Variants in RBFOX1 observed in about 807,000 individuals in gnomAD.
RBFOX1 encodes the protein RNA binding protein fox-1 homolog 1.
A neutral mutation model predicts 57.7 loss-of-function variants in RBFOX1; 8 were observed. The ratio of observed to expected loss-of-function variants is 0.14; its 90% confidence interval spans 0.08 to 0.25. The LOEUF (loss-of-function observed/expected upper bound fraction) is 0.25. RBFOX1 is among the 10% of genes least tolerant of loss of function. The probability of loss-of-function intolerance (pLI) is 1.00; values close to 1 mark genes in which losing one functional copy is unlikely to be tolerated. For synonymous variants in RBFOX1, 326 were observed against 222.4 expected (o/e 1.47, Z -4.15); for missense variants, 611 against 548.5 (o/e 1.11, Z -1.14).
At chr16:7,257,026 A>G (rs1225488596) in intron 4 of RBFOX1, among the ~76,000 whole-genome samples, 1 of 150,878 alleles carries the variant, frequency 6.6e-6, no homozygotes, top group African/African-American at 2.4e-5. Context: ...CTCTGATCCG[A>G]CCCTCCTGGA....
intron 4 of RBFOX1, among the ~76,000 whole-genome samples, chr16:7,244,183 A>G (rs1055773005): frequency 2.0e-5 from 3 of 149,532 alleles, no homozygotes; most frequent in Non-Finnish European, 4.4e-5. Context: ...GTAAATAAAC[A>G]TTTATAATAA....
At chr16:7,605,992 G>C (rs572443349) in intron 9 of RBFOX1, among the ~76,000 whole-genome samples, 19 of 151,948 alleles carry the variant, frequency 1.3e-4, no homozygotes, top group South Asian at 1.0e-3. Context: ...ATTTTTAGTA[G>C]AGTCAAGGTT....
intron 1 of RBFOX1, among the ~76,000 whole-genome samples, chr16:5,433,643 C>T (rs2067821040): frequency 6.6e-6 from 1 of 152,156 alleles, no homozygotes. Flanking sequence ...ATTTATTGCA[C>T]CCTTTCTTTG....
At chr16:5,386,761 G>A (rs1017547225) in intron 1 of RBFOX1, among the ~76,000 whole-genome samples, 1 of 152,136 alleles carries the variant, frequency 6.6e-6, no homozygotes, top group African/African-American at 2.4e-5. Flanking sequence ...TTCTAAGAAC[G>A]TACTTTGGGC....
chr16:6,961,032 A>T (rs1316255033), intron 3 of RBFOX1, among the ~76,000 whole-genome samples: 1 of 151,364 alleles, frequency 6.6e-6, no homozygotes, highest in Non-Finnish European at 1.5e-5. Flanking sequence ...TAGTCCAGCT[A>T]CTCAGGAGGC....
At chr16:5,810,434 T>G (rs2055381267) in intron 3 of RBFOX1, among the ~76,000 whole-genome samples, 2 of 152,184 alleles carry the variant, frequency 1.3e-5, no homozygotes, top group African/African-American at 4.8e-5. Context: ...AGTCCAGAAT[T>G]GTGGAAAATT....
chr16:5,424,816 C>A (rs187165427), intron 1 of RBFOX1, among the ~76,000 whole-genome samples: 45 of 150,776 alleles, frequency 3.0e-4, no homozygotes, highest in African/African-American at 1.1e-3. Context: ...GTTTTCTCTT[C>A]TCCTCTCCTC....
At chr16:7,292,004 G>A (rs12446584) in intron 4 of RBFOX1, among the ~76,000 whole-genome samples, 1 of 62,196 alleles carries the variant, frequency 1.6e-5, no homozygotes, top group Non-Finnish European at 3.2e-5. Context: ...TGTATTATAT[G>A]TATTATATAT....
chr16:7,243,691 C>G (rs939199871), intron 4 of RBFOX1, among the ~76,000 whole-genome samples: 1 of 151,994 alleles, frequency 6.6e-6, no homozygotes, highest in African/African-American at 2.4e-5. Flanking sequence ...GGGTTACAGG[C>G]GTGCATCATC....
chr16:6,606,572 T>C (rs1464346727), intron 2 of RBFOX1, among the ~76,000 whole-genome samples: 1 of 152,178 alleles, frequency 6.6e-6, no homozygotes, highest in Non-Finnish European at 1.5e-5. Flanking sequence ...TGTGTCCATG[T>C]GTTCTCATTG....
intron 4 of RBFOX1, among the ~76,000 whole-genome samples, chr16:7,452,234 G>C (rs145407961): frequency 1.3e-5 from 2 of 152,174 alleles, no homozygotes; most frequent in African/African-American, 2.4e-5. Flanking sequence ...CAGCTGGCTT[G>C]GTTAAAGCAC....
chr16:6,219,277 T>G (rs4786841), intron 1 of RBFOX1, among the ~76,000 whole-genome samples: 112,300 of 151,938 alleles, frequency 0.74, 42,029 homozygotes, highest in East Asian at 0.99. Flanking sequence ...AAGACCAGCC[T>G]GGGCAACACT....
At position 5,699,566 on chromosome 16, in the gene RBFOX1, T is replaced by C. The variant is rs557835370; in HGVS notation, c.318+100605T>C. Reference sequence around the variant, plus strand: ...ACTATTGCACTAATTGCCAAATGTCTGCTTGGGGGCAAAATTGCCTCCAGT... The same window carrying C: ...ACTATTGCACTAATTGCCAAATGTCCGCTTGGGGGCAAAATTGCCTCCAGT... On this transcript the variant is annotated intron_variant, in intron 3 of 19. Transcript: ENST00000641259. Among the ~76,000 whole-genome samples, 6 of 152,214 alleles carry C rather than the reference T, an allele frequency of 3.9e-5. No individual in the cohort carries two copies. In the East Asian group the frequency reaches 1.2e-3, roughly 30 times the overall value.
intron 4 of RBFOX1, among the ~76,000 whole-genome samples, chr16:7,174,780 A>C (rs1018283384): frequency 6.6e-6 from 1 of 152,216 alleles, no homozygotes; most frequent in Admixed American, 6.5e-5. Flanking sequence ...ACTCAGTCTC[A>C]AAACAAACAG....
chr16:6,089,219 G>T (rs2096135298), intron 1 of RBFOX1, among the ~76,000 whole-genome samples: 1 of 152,064 alleles, frequency 6.6e-6, no homozygotes, highest in Non-Finnish European at 1.5e-5. Context: ...GGAGAACAAA[G>T]GAGGTAGATC....
At chr16:7,256,522 C>A (rs1354326823) in intron 4 of RBFOX1, among the ~76,000 whole-genome samples, 1 of 152,180 alleles carries the variant, frequency 6.6e-6, no homozygotes, top group East Asian at 1.9e-4. Context: ...TTCCCCTTCC[C>A]TCATTAAATT....
intron 2 of RBFOX1, among the ~76,000 whole-genome samples, chr16:6,591,658 T>C (rs1022736043): frequency 1.3e-5 from 2 of 152,202 alleles, no homozygotes; most frequent in Non-Finnish European, 2.9e-5. Context: ...TTAGCTGTTG[T>C]GACACGGGGC....
At chr16:5,601,494 A>G (rs1474547013), downstream of RBFOX1, 1 of 152,194 alleles carries the variant, frequency 6.6e-6, no homozygotes, top group Non-Finnish European at 1.5e-5. Context: ...GTATTCGATC[A>G]GTCATACAAC....
chr16:6,420,069 T>G (rs748561114), intron 2 of RBFOX1, among the ~76,000 whole-genome samples: 9 of 152,184 alleles, frequency 5.9e-5, no homozygotes, highest in Non-Finnish European at 1.0e-4. Context: ...ATTTCCTTGT[T>G]TTGCAGCTAA....
Sources: gnomAD v4.1 joint callset for allele counts (sites outside exome capture counted in the v4.1 genomes callset) on GRCh38, gnomAD v4.1.1 for gene constraint, MANE v1.5 for transcripts, NCBI Gene and HGNC (gene_info 2026-07-23, HGNC 2026-07-21) for gene names.